The following PCDHGA8 variants were observed in gnomAD, a reference collection of about 807,000 sequenced individuals.
PCDHGA8 encodes the protein protocadherin gamma subfamily A, 8.
A neutral mutation model predicts 59.2 loss-of-function variants in PCDHGA8; 45 were observed. That is an observed-to-expected ratio of 0.76 (90% CI 0.60 to 0.98). The LOEUF (loss-of-function observed/expected upper bound fraction) is 0.98, where lower values mean the gene tolerates loss of function less well. Ranked by LOEUF, PCDHGA8 falls within the 50% of genes least tolerant of loss-of-function variation. The probability of loss-of-function intolerance (pLI) is 0.00; values close to 1 mark genes in which losing one functional copy is unlikely to be tolerated. For synonymous variants in PCDHGA8, 531 were observed against 519.0 expected (o/e 1.02, Z -0.32); for missense variants, 1,257 against 1,196.2 (o/e 1.05, Z -0.75).
chr5:141,459,285 A>G (rs1316912878), intron 1 of PCDHGA8, among the ~76,000 whole-genome samples: 1 of 152,202 alleles, frequency 6.6e-6, no homozygotes, highest in Non-Finnish European at 1.5e-5. Context: ...TTTCATCTAA[A>G]TGGAATCCTA....
intron 1 of PCDHGA8, chr5:141,420,464 C>A: frequency 1.2e-6 from 1 of 801,488 alleles, no homozygotes; most frequent in South Asian, 4.0e-5. Flanking sequence ...TATTCAAAGA[C>A]ATTTTAAAGC....
intron 1 of PCDHGA8, chr5:141,478,523 G>A: frequency 1.2e-6 from 2 of 1,609,908 alleles, no homozygotes; most frequent in Non-Finnish European, 1.7e-6. Flanking sequence ...GGTGTTGGGT[G>A]CAGAGAGCGC....
intron 1 of PCDHGA8, among the ~76,000 whole-genome samples, chr5:141,449,909 A>G (rs2098658849): frequency 6.6e-6 from 1 of 151,828 alleles, no homozygotes; most frequent in Non-Finnish European, 1.5e-5. Context: ...TATAGTCCAT[A>G]TTTAAATTCT....
rs2099710219 is a variant in PCDHGA8, at chr5:141,491,289, C to A, written c.2425-3518C>A. On this transcript the variant is annotated intron_variant, in intron 1 of 3. Transcript: ENST00000398604. The surrounding 1 kb of genome is among the most constrained non-coding windows in gnomAD (Gnocchi z 6.9). The stretch of plus-strand genomic sequence containing the variant: ...CCAAATCCAGTGACTTCCTCATACA[C>A]CCTCCTGAGCGTTCAGACCTTACCC... 1 of 1,614,112 alleles carries A rather than the reference C, an allele frequency of 6.2e-7. No homozygotes were observed. Among genetic ancestry groups the A allele is most frequent in the Non-Finnish European group, 8.5e-7 (1 of 1,179,942 alleles).
Position 141,491,208 on chromosome 5 carries a change from C to A in PCDHGA8, c.2425-3599C>A. ...TGAGGGACAATGGTGACCCTTCACT[C>A]TCCTCCACAGCCACAGTGCTGCTGG... On this transcript the variant is annotated intron_variant, in intron 1 of 3. Coordinates refer to ENST00000398604, the MANE Select transcript of PCDHGA8 (RefSeq NM_032088.2). The surrounding 1 kb of genome is among the most constrained non-coding windows in gnomAD (Gnocchi z 6.9). The A allele has an allele frequency of 6.2e-7, 1 of 1,614,204 alleles. No homozygotes were observed. Among genetic ancestry groups the A allele is most frequent in the African/African-American group, 1.3e-5 (1 of 75,058 alleles).
chr5:141,409,483 G>A, intron 1 of PCDHGA8: 1 of 1,613,944 alleles, frequency 6.2e-7, no homozygotes, highest in Non-Finnish European at 8.5e-7. Context: ...CCACTGACAG[G>A]GGCAAGCCGC....
Position 141,394,592 on chromosome 5 carries a change from G to A in PCDHGA8, c.1779G>A (p.Ala593=), listed in dbSNP as rs754585576. The A allele has an allele frequency of 3.3e-4, 534 of 1,613,642 alleles. 1 individual carries two copies. Among genetic ancestry groups the A allele is most frequent in the Non-Finnish European group, 4.3e-4 (502 of 1,180,046 alleles). Residue 593 remains alanine, a synonymous_variant, in exon 1 of 4, where the codon GCG becomes GCA. Coordinates refer to ENST00000398604, the MANE Select transcript of PCDHGA8 (RefSeq NM_032088.2). ...GCTACCTGGTGACCAAGGTGGTGGC[G>A]GTGGACAGAGACTCGGGCCAGAACG... The part of the protein sequence containing the change: ...ERGYLVTKVV[A]VDRDSGQNAW...
intron 1 of PCDHGA8, chr5:141,422,941 G>A (rs777535652): frequency 9.9e-6 from 16 of 1,614,218 alleles, no homozygotes; most frequent in East Asian, 4.5e-5. Context: ...CCCCACAGAC[G>A]GCTCCACTGG....
intron 1 of PCDHGA8, chr5:141,405,320 C>A (rs1183399090): frequency 6.2e-7 from 1 of 1,614,188 alleles, no homozygotes; most frequent in South Asian, 1.1e-5. Flanking sequence ...GAAAAATGAG[C>A]CTTTGTGCGT....
In PCDHGA8 at chr5:141,431,553, A is replaced by G; in HGVS notation, c.2424+36316A>G. ...TTGGGCACGCAGCTGCTTGTAGTCA[A>G]CGCTACCGACCCTGACGAAGGAGTC... On this transcript the variant is annotated intron_variant, in intron 1 of 3. Transcript: ENST00000398604. The surrounding 1 kb of genome is among the most constrained non-coding windows in gnomAD (Gnocchi z 4.8). 1.2e-6 allele frequency: 2 copies of G among 1,614,112 alleles called. No individual in the cohort carries two copies. Among genetic ancestry groups the G allele is most frequent in the Non-Finnish European group, 1.7e-6 (2 of 1,180,020 alleles).
rs1014758036 is a variant in PCDHGA8 at position 141,486,472 on chromosome 5, T to C, written c.2425-8335T>C. The C allele has an allele frequency of 6.2e-7, 1 of 1,614,032 alleles. No homozygotes were observed. Among genetic ancestry groups the C allele is most frequent in the Non-Finnish European group, 8.5e-7 (1 of 1,179,862 alleles). ...TCACTGCTTCTGATGCTGGGAACCC[T>C]CCTCTCAGTACCCACAGAACTATTT... On this transcript the variant is annotated intron_variant, in intron 1 of 3. Coordinates refer to ENST00000398604, the MANE Select transcript of PCDHGA8 (RefSeq NM_032088.2). This position sits in a 1 kb window ranked among gnomAD's most constrained non-coding sequence, Gnocchi z 5.0.
At position 141,444,152 on chromosome 5, in the gene PCDHGA8, A is replaced by ATTTTTTTTTTT. The variant is rs747671382; in HGVS notation, c.2424+48941_2424+48951dup. 8.9e-5 allele frequency among the ~76,000 whole-genome samples: 3 copies of ATTTTTTTTTTT among 33,898 alleles called. 1 individual carries two copies. Among genetic ancestry groups the ATTTTTTTTTTT allele is most frequent in the African/African-American group, 4.2e-4 (3 of 7,184 alleles). 22.2% of individuals were successfully genotyped at this position (33,898 alleles called of 152,430 possible). On this transcript the variant is annotated intron_variant, in intron 1 of 3. Transcript: ENST00000398604. Reference sequence around the variant, plus strand: ...GATATGTGTCACTTGTGTGTACTGGATTTTTTTTTTTTTTTTTTTTTTTTT... The same window carrying ATTTTTTTTTTT: ...GATATGTGTCACTTGTGTGTACTGGATTTTTTTTTTTTTTTTTTTTTTTTTTTTTTTTTTTT...
At chr5:141,453,001 G>C (rs1225973632) in intron 1 of PCDHGA8, among the ~76,000 whole-genome samples, 3 of 152,168 alleles carry the variant, frequency 2.0e-5, no homozygotes, top group African/African-American at 7.2e-5. Flanking sequence ...AAAGTTACCT[G>C]TAGTATAGTT....
chr5:141,476,656 T>C lies in PCDHGA8; in HGVS notation c.2425-18151T>C. 1 of 1,614,210 alleles carries C rather than the reference T, an allele frequency of 6.2e-7. No individual in the cohort carries two copies. Among genetic ancestry groups the C allele is most frequent in the Non-Finnish European group, 8.5e-7 (1 of 1,180,044 alleles). On this transcript the variant is annotated intron_variant, in intron 1 of 3. Coordinates refer to ENST00000398604, the MANE Select transcript of PCDHGA8 (RefSeq NM_032088.2). This position sits in a 1 kb window ranked among gnomAD's most constrained non-coding sequence, Gnocchi z 7.6. ...ATGAGCTGAGCCGAAATGAATACTT[T>C]GCGCTTCGCGTGCAGACGCGGGAGG...
chr5:141,505,249 G>T, intron 2 of PCDHGA8, 144 bp from the exon 3 acceptor site: 1 of 1,447,748 alleles, frequency 6.9e-7, no homozygotes, highest in Non-Finnish European at 9.2e-7. Flanking sequence ...GATTGTAGAA[G>T]TGCCTCCTAC....
At chr5:141,497,733 T>G (rs2099779006) in intron 2 of PCDHGA8, among the ~76,000 whole-genome samples, 2 of 152,078 alleles carry the variant, frequency 1.3e-5, no homozygotes, top group Non-Finnish European at 2.9e-5. Context: ...AGAGATGGGT[T>G]TCGCCACGTT....
intron 1 of PCDHGA8, chr5:141,427,752 G>A (rs1171502843): frequency 4.5e-6 from 6 of 1,319,552 alleles, no homozygotes; most frequent in South Asian, 1.2e-5. Context: ...CTACTCCATC[G>A]TTACCACTGA....
chr5:141,396,814 G>C (rs573559857), intron 1 of PCDHGA8, among the ~76,000 whole-genome samples: 10 of 152,322 alleles, frequency 6.6e-5, no homozygotes, highest in African/African-American at 2.2e-4. Flanking sequence ...GTGTTCTACT[G>C]TATGGTGCAT....
At chr5:141,400,154 T>G in intron 1 of PCDHGA8, 1 of 1,614,076 alleles carries the variant, frequency 6.2e-7, no homozygotes, top group Non-Finnish European at 8.5e-7. Context: ...GACCGCCCTG[T>G]ACCCTCTGAC....
Sources: gnomAD v4.1 joint callset for allele counts (sites outside exome capture counted in the v4.1 genomes callset) on GRCh38, gnomAD v4.1.1 for gene constraint, Gnocchi (gnomAD v3.1) non-coding constraint, MANE v1.5 for transcripts, NCBI Gene and HGNC (gene_info 2026-07-23, HGNC 2026-07-21) for gene names.